Variants in ATP6V1E1 observed in about 807,000 individuals in gnomAD.
ATP6V1E1 encodes the protein V-type proton ATPase subunit E 1.
In ATP6V1E1, 21 loss-of-function variants were observed where a neutral mutation model predicts 35.2. The ratio of observed to expected loss-of-function variants is 0.60; its 90% confidence interval spans 0.42 to 0.86. The LOEUF (loss-of-function observed/expected upper bound fraction) is 0.86, where lower values mean the gene tolerates loss of function less well. Among genes scored for constraint, ATP6V1E1 ranks in the 40% least tolerant of loss-of-function variants. The pLI, the probability that ATP6V1E1 is intolerant of heterozygous loss-of-function variation, is 0.00. For missense variants in ATP6V1E1, 183 were observed against 272.6 expected, an observed-to-expected ratio of 0.67 and a Z score of 2.32; for synonymous variants, 83 against 87.8, an observed-to-expected ratio of 0.95 and a Z score of 0.30.
chr22:17,599,506 G>T (rs1007591263), intron 6 of ATP6V1E1, among the ~76,000 whole-genome samples: 2 of 149,314 alleles, frequency 1.3e-5, no homozygotes, highest in African/African-American at 5.0e-5. Flanking sequence ...AACCCGGGGG[G>T]GCAGAGGTTG....
intron 2 of ATP6V1E1, among the ~76,000 whole-genome samples, chr22:17,615,530 G>A (rs2057839551): frequency 6.6e-6 from 1 of 151,172 alleles, no homozygotes; most frequent in African/African-American, 2.4e-5. Flanking sequence ...TGTAATCCCA[G>A]CTACCCAGAA....
At chr22:17,596,232 G>T (rs541472059) in intron 7 of ATP6V1E1, among the ~76,000 whole-genome samples, 1 of 152,222 alleles carries the variant, frequency 6.6e-6, no homozygotes, top group South Asian at 2.1e-4. Context: ...TATGGTTTGA[G>T]TCTGTTCCCT....
chr22:17,606,276 T>C (rs1189702267), intron 4 of ATP6V1E1, among the ~76,000 whole-genome samples: 1 of 152,224 alleles, frequency 6.6e-6, no homozygotes, highest in Non-Finnish European at 1.5e-5. Context: ...GCATGACAAC[T>C]TCCTTTCCTT....
chr22:17,628,717 C>A lies in ATP6V1E1; in HGVS notation c.-82G>T, dbSNP rs918529486. 15 of 1,582,132 alleles carry A rather than the reference C, an allele frequency of 9.5e-6. No individual in the cohort carries two copies. The East Asian group carries it at 2.0e-4, about 21-fold the overall frequency. ...AGGTGAGAGAAATCGGCAAAGGGAA[C>A]CCCTGCGCAGATCTCGGGTTCCTTT... On this transcript the variant is annotated 5_prime_UTR_variant, in exon 1 of 9. Coordinates refer to ENST00000253413, the MANE Select transcript of ATP6V1E1 (RefSeq NM_001696.4).
At chr22:17,616,544 TG>T (rs1194047732) in intron 2 of ATP6V1E1, among the ~76,000 whole-genome samples, 1 of 151,846 alleles carries the variant, frequency 6.6e-6, no homozygotes, top group Non-Finnish European at 1.5e-5. Context: ...CTGGGCGTGA[TG>T]GCATGCGCCT....
chr22:17,601,916 T>G (rs1382215208), intron 4 of ATP6V1E1, among the ~76,000 whole-genome samples: 1 of 151,910 alleles, frequency 6.6e-6, no homozygotes, highest in Admixed American at 6.6e-5. Flanking sequence ...CCTCTTTGTT[T>G]GTTTTTGAGA....
intron 1 of ATP6V1E1, among the ~76,000 whole-genome samples, chr22:17,623,203 TA>T (rs2057886886): frequency 6.6e-6 from 1 of 152,184 alleles, no homozygotes; most frequent in Admixed American, 6.5e-5. Flanking sequence ...GATAACATGG[TA>T]CTTACAATAT....
At chr22:17,594,787 T>G in intron 7 of ATP6V1E1, 171 bp from the exon 8 acceptor site, 2 of 486,356 alleles carry the variant, frequency 4.1e-6, no homozygotes, top group Non-Finnish European at 7.0e-6. Context: ...GCACAGTTGG[T>G]TTCAGGAAAC....
chr22:17,621,206 C>G (rs1263211795), intron 1 of ATP6V1E1, among the ~76,000 whole-genome samples: 1 of 152,182 alleles, frequency 6.6e-6, no homozygotes, highest in African/African-American at 2.4e-5. Context: ...TGTTTCTAAT[C>G]GACTCTACAT....
At chr22:17,612,673 G>T in intron 4 of ATP6V1E1, 139 bp downstream of exon 4, 1 of 780,070 alleles carries the variant, frequency 1.3e-6, no homozygotes, top group Non-Finnish European at 2.0e-6. Context: ...ATTCACTTTT[G>T]TATTTATTAT....
chr22:17,614,237 C>A (rs545818774), intron 2 of ATP6V1E1, among the ~76,000 whole-genome samples: 9 of 151,430 alleles, frequency 5.9e-5, no homozygotes, highest in African/African-American at 1.9e-4. Flanking sequence ...GTAATCCCAG[C>A]TAGTCGGAAG....
intron 1 of ATP6V1E1, among the ~76,000 whole-genome samples, chr22:17,625,180 TGAA>T (rs1445405122): frequency 4.6e-5 from 7 of 152,136 alleles, no homozygotes; most frequent in Non-Finnish European, 2.9e-5. Flanking sequence ...AACCACAAAA[TGAA>T]GAAGAAATAC....
chr22:17,626,307 CAAAAAAAAA>C (rs928655426), intron 1 of ATP6V1E1, among the ~76,000 whole-genome samples: 1 of 61,978 alleles, frequency 1.6e-5, no homozygotes, highest in East Asian at 5.6e-4. Flanking sequence ...GACTTCGTCT[CAAAAAAAAA>C]AAAAAAAAAA....
At chr22:17,598,751 AG>A (rs890396614) in intron 6 of ATP6V1E1, among the ~76,000 whole-genome samples, 2 of 152,224 alleles carry the variant, frequency 1.3e-5, no homozygotes, top group African/African-American at 4.8e-5. Context: ...TTCTTATCAA[AG>A]TAACAGTATA....
intron 1 of ATP6V1E1, among the ~76,000 whole-genome samples, chr22:17,626,103 A>G (rs1470476453): frequency 1.3e-5 from 2 of 151,934 alleles, no homozygotes; most frequent in Non-Finnish European, 2.9e-5. Flanking sequence ...TCAGGAGATC[A>G]AGACCATCCT....
At chr22:17,626,398 G>T (rs2057905908) in intron 1 of ATP6V1E1, among the ~76,000 whole-genome samples, 1 of 151,834 alleles carries the variant, frequency 6.6e-6, no homozygotes, top group South Asian at 2.1e-4. Flanking sequence ...TTAGAGACAG[G>T]GTCTTTTGCT....
chr22:17,593,585 T>C (rs925604504), intron 8 of ATP6V1E1, among the ~76,000 whole-genome samples: 3 of 152,182 alleles, frequency 2.0e-5, no homozygotes, highest in Non-Finnish European at 4.4e-5. Flanking sequence ...TTTAATTAAA[T>C]ATCCGTAAGT....
chr22:17,622,204 TATTA>T (rs897489645), intron 1 of ATP6V1E1, among the ~76,000 whole-genome samples: 1 of 152,222 alleles, frequency 6.6e-6, no homozygotes, highest in Non-Finnish European at 1.5e-5. Flanking sequence ...TCATTTTGTT[TATTA>T]ATTATCCCAC....
chr22:17,597,298 G>T (rs1340815721), intron 7 of ATP6V1E1, among the ~76,000 whole-genome samples: 1 of 151,554 alleles, frequency 6.6e-6, no homozygotes, highest in Non-Finnish European at 1.5e-5. Flanking sequence ...CAGTAGTGTG[G>T]CTAGGTGGCC....
Sources: allele counts gnomAD v4.1 joint callset (sites outside exome capture counted in the v4.1 genomes callset), GRCh38; gene constraint gnomAD v4.1.1; transcripts MANE v1.5; gene names NCBI Gene and HGNC (gene_info 2026-07-23, HGNC 2026-07-21).